The following PDCD10 variants were observed in gnomAD, a reference collection of about 807,000 sequenced individuals.
PDCD10 encodes programmed cell death 10, also known as programmed cell death protein 10.
A neutral mutation model predicts 29.2 loss-of-function variants in PDCD10; 4 were observed. That is an observed-to-expected ratio of 0.14 (90% CI 0.07 to 0.31). The LOEUF (loss-of-function observed/expected upper bound fraction) is 0.31. Among genes scored for constraint, PDCD10 ranks in the 10% least tolerant of loss-of-function variants. The probability of loss-of-function intolerance (pLI) is 1.00; values close to 1 mark genes in which losing one functional copy is unlikely to be tolerated. For synonymous variants in PDCD10, 70 were observed against 82.2 expected, an observed-to-expected ratio of 0.85 and a Z score of 0.80; for missense variants, 183 against 257.9, an observed-to-expected ratio of 0.71 and a Z score of 1.99.
intron 3 of PDCD10, among the ~76,000 whole-genome samples, chr3:167,715,567 AAAATCT>A (rs1398627026): frequency 1.3e-5 from 2 of 152,054 alleles, no homozygotes; most frequent in African/African-American, 4.8e-5. Flanking sequence ...ACAGGAAAAA[AAAATCT>A]AATAATGCAA....
chr3:167,688,297 G>A (rs1719853711), intron 6 of PDCD10, among the ~76,000 whole-genome samples: 1 of 152,000 alleles, frequency 6.6e-6, no homozygotes, highest in African/African-American at 2.4e-5. Flanking sequence ...CTATCTAGCA[G>A]CCAAATATCC....
intron 6 of PDCD10, among the ~76,000 whole-genome samples, chr3:167,689,454 G>C (rs557163436): frequency 6.6e-6 from 1 of 152,258 alleles, no homozygotes; most frequent in South Asian, 2.1e-4. Flanking sequence ...TTCTGCTAAA[G>C]AGGAATAAAA....
intron 3 of PDCD10, among the ~76,000 whole-genome samples, chr3:167,711,604 A>T (rs1378473799): frequency 6.6e-6 from 1 of 152,214 alleles, no homozygotes; most frequent in Non-Finnish European, 1.5e-5. Context: ...AAGTGTATTC[A>T]AAGTGATAAC....
chr3:167,720,190 T>TA lies in PDCD10; in HGVS notation c.-34dup. 2.2e-6 allele frequency: 3 copies of TA among 1,393,150 alleles called. No homozygotes were observed. The highest frequency in any genetic ancestry group is 3.1e-6 in the Non-Finnish European group (3 of 978,792). 86.3% of individuals were successfully genotyped at this position (1,393,150 alleles called of 1,614,324 possible). ...CCAACTACAGTTGAAAAAGCAGTGC[T>TA]AAAATGCAGAGGAATCTTCATTCAC... On this transcript the variant is annotated 5_prime_UTR_variant, in exon 3 of 9. An upstream open reading frame in the 5' UTR gains an earlier in-frame stop. Transcript: ENST00000392750.
chr3:167,704,155 T>C lies in PDCD10; in HGVS notation c.150+687A>G, dbSNP rs75866255. 9.4e-3 allele frequency among the ~76,000 whole-genome samples: 1,425 copies of C among 152,334 alleles called. 29 individuals carry two copies. The East Asian group carries it at 0.096, about 10-fold the overall frequency. On this transcript the variant is annotated intron_variant, in intron 4 of 8. Coordinates refer to ENST00000392750, the MANE Select transcript of PDCD10 (RefSeq NM_007217.4). ...GTATTACTTTCCCACTGAAAAACGTTTTTTAGACTCATGTTCTATAATTAA... is the reference window on the plus strand; with the variant it reads ...GTATTACTTTCCCACTGAAAAACGTCTTTTAGACTCATGTTCTATAATTAA...
chr3:167,722,917 C>T (rs568152138), intron 2 of PDCD10, among the ~76,000 whole-genome samples: 7 of 152,266 alleles, frequency 4.6e-5, no homozygotes, highest in African/African-American at 1.7e-4. Flanking sequence ...AGTCTCTTCT[C>T]TAAAACTAAC....
chr3:167,732,556 C>T (rs1240850913), intron 2 of PDCD10, among the ~76,000 whole-genome samples: 1 of 138,142 alleles, frequency 7.2e-6, no homozygotes, highest in Non-Finnish European at 1.6e-5. Context: ...AACAACAATA[C>T]AAACATTAAT....
At chr3:167,717,233 G>A (rs1263939590) in intron 3 of PDCD10, among the ~76,000 whole-genome samples, 1 of 151,962 alleles carries the variant, frequency 6.6e-6, no homozygotes, top group East Asian at 1.9e-4. Context: ...TGTAGTAACA[G>A]TACTAAAATT....
intron 6 of PDCD10, among the ~76,000 whole-genome samples, chr3:167,692,982 T>C (rs544688926): frequency 2.0e-5 from 3 of 152,224 alleles, no homozygotes; most frequent in Non-Finnish European, 4.4e-5. Context: ...GTGACACAGA[T>C]TTTGGCTATT....
At chr3:167,695,871 A>G (rs530460883) in intron 5 of PDCD10, 149 bp from the exon 6 acceptor site, 8 of 752,230 alleles carry the variant, frequency 1.1e-5, no homozygotes, top group South Asian at 3.0e-5. Context: ...AGAATTCATT[A>G]GCGTTTGACT....
At chr3:167,710,525 T>C (rs1722424289) in intron 3 of PDCD10, among the ~76,000 whole-genome samples, 1 of 152,190 alleles carries the variant, frequency 6.6e-6, no homozygotes, top group Admixed American at 6.5e-5. Context: ...AGTGCCAGCT[T>C]AGCCACAGTA....
intron 6 of PDCD10, 46 bp from the exon 7 acceptor site, chr3:167,687,739 T>C: frequency 3.9e-6 from 4 of 1,032,162 alleles, no homozygotes; most frequent in East Asian, 4.7e-5. Context: ...TGAAAGAAAT[T>C]TGTGAGAGAA....
intron 2 of PDCD10, among the ~76,000 whole-genome samples, chr3:167,726,077 T>C (rs1316258852): frequency 1.3e-5 from 2 of 149,872 alleles, no homozygotes; most frequent in Non-Finnish European, 3.0e-5. Context: ...AACTGCACCA[T>C]GTCAAGTGTA....
intron 3 of PDCD10, among the ~76,000 whole-genome samples, chr3:167,711,285 A>T (rs1457807724): frequency 6.6e-6 from 1 of 152,214 alleles, no homozygotes; most frequent in African/African-American, 2.4e-5. Context: ...GATAACACAG[A>T]GAAAGAATTC....
Position 167,706,696 on chromosome 3 carries a change from C to T in PDCD10, c.97-1801G>A, listed in dbSNP as rs1052516582. ...TGAAATGTTATGTGCCACATGACTG[C>T]ATATACCCATAGGCCTTACAATAAA... On this transcript the variant is annotated intron_variant, in intron 3 of 8. Coordinates refer to ENST00000392750, the MANE Select transcript of PDCD10 (RefSeq NM_007217.4). Among the ~76,000 whole-genome samples the T allele has an allele frequency of 2.6e-5, 4 of 152,304 alleles. No individual in the cohort carries two copies. In the South Asian group the frequency reaches 6.2e-4, roughly 24 times the overall value.
At chr3:167,717,400 C>T (rs953573711) in intron 3 of PDCD10, among the ~76,000 whole-genome samples, 5 of 151,994 alleles carry the variant, frequency 3.3e-5, no homozygotes, top group African/African-American at 1.2e-4. Flanking sequence ...AATCATTTAG[C>T]TTCAGAGTAA....
At position 167,722,089 on chromosome 3, in the gene PDCD10, G is replaced by A. The variant is rs529662890; in HGVS notation, c.-116-1816C>T. Reference sequence around the variant, plus strand: ...AAAAAAACCTGGGGAAAAGGAGGATGGCTAAAAGGCAGTGGTATCAGTTAA... The same window carrying A: ...AAAAAAACCTGGGGAAAAGGAGGATAGCTAAAAGGCAGTGGTATCAGTTAA... On this transcript the variant is annotated intron_variant, in intron 2 of 8. Transcript: ENST00000392750. Among the ~76,000 whole-genome samples the A allele has an allele frequency of 2.0e-5, 3 of 152,182 alleles. No individual in the cohort carries two copies. In the South Asian group the frequency reaches 6.2e-4, roughly 32 times the overall value.
At position 167,684,166 on chromosome 3, in the gene PDCD10, A is replaced by C; in HGVS notation, c.*142T>G. ...CTACATTTTACAAAAATATGGTGTAAGATGGCAATAATCCCATTCAACATC... is the reference window on the plus strand; with the variant it reads ...CTACATTTTACAAAAATATGGTGTACGATGGCAATAATCCCATTCAACATC... On this transcript the variant is annotated 3_prime_UTR_variant, in exon 9 of 9. Transcript: ENST00000392750. The C allele has an allele frequency of 1.6e-6, 1 of 634,016 alleles. No individual in the cohort carries two copies. The highest frequency in any genetic ancestry group is 1.6e-5 in the South Asian group (1 of 60,874). The allele number at this position is 634,016 out of a possible 1,614,324, so 39.3% of individuals were successfully genotyped here. A position where few individuals can be genotyped will look rare whatever the true frequency, so the allele number is the denominator to read the frequency against.
Position 167,684,006 on chromosome 3 carries a change from C to G in PDCD10, c.*302G>C, listed in dbSNP as rs565136434. 1.1e-4 allele frequency: 29 copies of G among 271,358 alleles called. No homozygotes were observed. The highest frequency in any genetic ancestry group is 1.9e-4 in the Non-Finnish European group (26 of 137,936). 16.8% of individuals were successfully genotyped at this position (271,358 alleles called of 1,614,324 possible). On this transcript the variant is annotated 3_prime_UTR_variant, in exon 9 of 9. Coordinates refer to ENST00000392750, the MANE Select transcript of PDCD10 (RefSeq NM_007217.4). ...TTCAAGTTAAAATGTCAGAAACAAA[C>G]ACCAATATTTACAATTCTTTTAAGG...
Sources: allele counts gnomAD v4.1 joint callset (sites outside exome capture counted in the v4.1 genomes callset), GRCh38; gene constraint gnomAD v4.1.1; transcripts MANE v1.5; gene names NCBI Gene and HGNC (gene_info 2026-07-23, HGNC 2026-07-21).